The following EIF2S2 variants were observed in gnomAD, a reference collection of about 807,000 sequenced individuals.
EIF2S2 encodes the protein eukaryotic translation initiation factor 2 subunit beta, also known as eukaryotic translation initiation factor 2 subunit 2.
EIF2S2 carries 4 observed loss-of-function variants against 44.0 expected under a neutral mutation model. The ratio of observed to expected loss-of-function variants is 0.09; its 90% CI spans 0.04 to 0.21. The LOEUF (loss-of-function observed/expected upper bound fraction) is 0.21, where lower values mean the gene tolerates loss of function less well. Among genes scored for constraint, EIF2S2 ranks in the 10% least tolerant of loss-of-function variants. The pLI is 1.00. For synonymous variants in EIF2S2, 108 were observed against 128.3 expected (o/e 0.84, Z 1.07); for missense variants, 154 against 392.0 (o/e 0.39, Z 5.13).
intron 1 of EIF2S2, among the ~76,000 whole-genome samples, chr20:34,108,503 T>G (rs141111858): frequency 3.5e-4 from 54 of 152,350 alleles, no homozygotes; most frequent in African/African-American, 1.2e-3. Context: ...AAGACTTTCA[T>G]GTCTAGCTTC....
chr20:34,099,041 T>A (rs975817241), intron 3 of EIF2S2, among the ~76,000 whole-genome samples: 1 of 152,168 alleles, frequency 6.6e-6, no homozygotes, highest in Non-Finnish European at 1.5e-5. Context: ...GATCTTATAA[T>A]TATTGTCCTT....
At chr20:34,106,483 G>T (rs1568719193) in intron 1 of EIF2S2, among the ~76,000 whole-genome samples, 1 of 149,854 alleles carries the variant, frequency 6.7e-6, no homozygotes, top group Non-Finnish European at 1.5e-5. Context: ...CCAGGTTGGA[G>T]TGCAGTGGCA....
Position 34,098,614 on chromosome 20 carries a change from T to A in EIF2S2, c.317A>T (p.Asp106Val). 1 of 1,613,844 alleles carries A rather than the reference T, an allele frequency of 6.2e-7. No homozygotes were observed. Among genetic ancestry groups the A allele is most frequent in the Non-Finnish European group, 8.5e-7 (1 of 1,179,978 alleles). ...EGVKDLKIES[D>V]VQEPTEPEDD... ...CTCTGGTTCAGTTGGTTCTTGAACA[T>A]CACTTTCAATCTTAAGATCCTAAGA... is the stretch of plus-strand genomic sequence containing the variant. The change falls in exon 4 of 9, where the codon GAT becomes GTT. Residue 106 changes from aspartate to valine, a missense_variant. Around this residue, in one of 2 missense-constraint regions of EIF2S2, gnomAD observed 134 missense variants for 225.0 expected, o/e 0.60. Coordinates refer to ENST00000374980, the MANE Select transcript of EIF2S2 (RefSeq NM_003908.5).
intron 2 of EIF2S2, 64 bp downstream of exon 2, chr20:34,105,304 G>T: frequency 6.4e-7 from 1 of 1,563,448 alleles, no homozygotes; most frequent in Non-Finnish European, 8.6e-7. Flanking sequence ...ATATCCAAAA[G>T]CCAAAACGCT....
chr20:34,090,312 T>C (rs1416070307), intron 8 of EIF2S2, among the ~76,000 whole-genome samples: 1 of 152,260 alleles, frequency 6.6e-6, no homozygotes, highest in African/African-American at 2.4e-5. Context: ...TTCAATCAGC[T>C]GGGCTTTCTT....
chr20:34,109,450 C>T (rs979864722), intron 1 of EIF2S2, among the ~76,000 whole-genome samples: 1 of 151,830 alleles, frequency 6.6e-6, no homozygotes, highest in Non-Finnish European at 1.5e-5. Context: ...CTGTTTGAGG[C>T]CAGGAGTTCA....
intron 1 of EIF2S2, among the ~76,000 whole-genome samples, chr20:34,106,168 C>G (rs910887376): frequency 2.0e-4 from 30 of 152,264 alleles, no homozygotes; most frequent in African/African-American, 6.7e-4. Context: ...AATCCTCCCA[C>G]CTCGGCCACA....
intron 6 of EIF2S2, among the ~76,000 whole-genome samples, chr20:34,094,123 C>G (rs1298505632): frequency 3.3e-5 from 5 of 152,190 alleles, no homozygotes; most frequent in Non-Finnish European, 4.4e-5. Flanking sequence ...AACTCATGGT[C>G]TCAAATGATC....
At chr20:34,091,607 A>G (rs962322307) in intron 7 of EIF2S2, among the ~76,000 whole-genome samples, 3 of 151,578 alleles carry the variant, frequency 2.0e-5, no homozygotes, top group Admixed American at 6.6e-5. Flanking sequence ...AGTCCCAGCT[A>G]CTGGGGAGGC....
intron 7 of EIF2S2, among the ~76,000 whole-genome samples, chr20:34,093,197 T>C (rs1423142799): frequency 6.6e-6 from 1 of 152,202 alleles, no homozygotes; most frequent in Non-Finnish European, 1.5e-5. Flanking sequence ...AATGACTTGC[T>C]CAGTGCCTTC....
chr20:34,107,157 G>C (rs1002810855), intron 1 of EIF2S2, among the ~76,000 whole-genome samples: 2 of 151,866 alleles, frequency 1.3e-5, no homozygotes, highest in African/African-American at 4.8e-5. Context: ...CAGCCTGGGT[G>C]ACAGAGCAAG....
Position 34,097,407 on chromosome 20 carries a change from T to C in EIF2S2, c.534+9A>G, listed in dbSNP as rs370895093. ...GCTTAGCCCCTTTTCACAACAGATTTTGTCTTACCTCCTCGTATGTGTAGT... is the reference window on the plus strand; with the variant it reads ...GCTTAGCCCCTTTTCACAACAGATTCTGTCTTACCTCCTCGTATGTGTAGT... On this transcript the variant is annotated intron_variant, in intron 5 of 8. Transcript: ENST00000374980. 95 of 1,609,538 alleles carry C rather than the reference T, an allele frequency of 5.9e-5. No homozygotes were observed. The African/African-American group carries it at 1.2e-3, about 20-fold the overall frequency.
chr20:34,107,493 G>A (rs1202269045), intron 1 of EIF2S2, among the ~76,000 whole-genome samples: 1 of 152,184 alleles, frequency 6.6e-6, no homozygotes, highest in Non-Finnish European at 1.5e-5. Context: ...GAGGGTTAAA[G>A]AAGTATGTAA....
intron 5 of EIF2S2, among the ~76,000 whole-genome samples, chr20:34,097,064 A>G (rs1426440898): frequency 6.6e-6 from 1 of 152,238 alleles, no homozygotes; most frequent in African/African-American, 2.4e-5. Flanking sequence ...GGCAAAGTAC[A>G]TGATACATGG....
At chr20:34,097,262 G>A (rs747662965) in intron 5 of EIF2S2, among the ~76,000 whole-genome samples, 154 bp downstream of exon 5, 12 of 152,194 alleles carry the variant, frequency 7.9e-5, no homozygotes, top group Non-Finnish European at 1.5e-4. Flanking sequence ...CCACGGGTGC[G>A]CACCAGGAAT....
At chr20:34,098,376 TATCA>T (rs1360285380) in intron 4 of EIF2S2, 118 bp downstream of exon 4, 17 of 1,057,558 alleles carry the variant, frequency 1.6e-5, no homozygotes, top group Non-Finnish European at 2.3e-5. Context: ...TCGCTTCCAT[TATCA>T]GTCAGTAGAA....
chr20:34,105,348 C>G lies in EIF2S2; in HGVS notation c.193+20G>C. 1.2e-6 allele frequency: 2 copies of G among 1,606,880 alleles called. No individual in the cohort carries two copies. Among genetic ancestry groups the G allele is most frequent in the Non-Finnish European group, 8.5e-7 (1 of 1,177,852 alleles). ...CAGGGCTTCTATGACAACAGTAACTCTCTCACATCAACCACGCACCTTTTT... is the reference window on the plus strand; with the variant it reads ...CAGGGCTTCTATGACAACAGTAACTGTCTCACATCAACCACGCACCTTTTT... On this transcript the variant is annotated intron_variant, in intron 2 of 8. Coordinates refer to ENST00000374980, the MANE Select transcript of EIF2S2 (RefSeq NM_003908.5).
At chr20:34,103,675 T>C in intron 2 of EIF2S2, 110 bp from the exon 3 acceptor site, 1 of 1,355,712 alleles carries the variant, frequency 7.4e-7, no homozygotes. Flanking sequence ...GACTGACTAT[T>C]AATTAGTCCC....
intron 2 of EIF2S2, among the ~76,000 whole-genome samples, chr20:34,104,419 C>G (rs1327145670): frequency 6.6e-6 from 1 of 152,196 alleles, no homozygotes; most frequent in Admixed American, 6.5e-5. Flanking sequence ...TGGATAGTAT[C>G]TTCTGCTTAC....
Sources: allele counts gnomAD v4.1 joint callset (sites outside exome capture counted in the v4.1 genomes callset), GRCh38; gene constraint gnomAD v4.1.1; regional missense constraint gnomAD v4.1.1; transcripts MANE v1.5; gene names NCBI Gene and HGNC (gene_info 2026-07-23, HGNC 2026-07-21).